CSPG4: variants seen among roughly 807,000 people sequenced by gnomAD.
CSPG4 encodes chondroitin sulfate proteoglycan 4 (melanoma-associated).
In CSPG4, 74 loss-of-function variants were observed where a neutral mutation model predicts 139.3. The observed-to-expected ratio is 0.53, with a 90% CI of 0.44 to 0.64. The LOEUF (loss-of-function observed/expected upper bound fraction) is 0.64. Ranked by LOEUF, CSPG4 falls within the 30% of genes least tolerant of loss-of-function variation. The probability of loss-of-function intolerance (pLI) is 0.00; values close to 1 mark genes in which losing one functional copy is unlikely to be tolerated. For synonymous variants in CSPG4, 1,234 were observed against 1,394.2 expected (o/e 0.89, Z 2.56); for missense variants, 2,565 against 3,148.3 (o/e 0.81, Z 4.43).
chr15:75,706,548 A>T (rs1223945752), intron 1 of CSPG4, among the ~76,000 whole-genome samples: 2 of 152,196 alleles, frequency 1.3e-5, no homozygotes, highest in African/African-American at 4.8e-5. Flanking sequence ...AAAGGCCTGT[A>T]ACCCCACAGA....
At chr15:75,691,821 C>T (rs1596010263) in intron 2 of CSPG4, among the ~76,000 whole-genome samples, 1 of 152,082 alleles carries the variant, frequency 6.6e-6, no homozygotes, top group East Asian at 1.9e-4. Flanking sequence ...ATTTTGGAGT[C>T]CTGGTATGGA....
chr15:75,712,567 C>T (rs1316111263), intron 1 of CSPG4, 101 bp downstream of exon 1: 16 of 1,191,072 alleles, frequency 1.3e-5, no homozygotes, highest in African/African-American at 3.1e-5. Flanking sequence ...GCTTGACTCC[C>T]GATCTGGGGG....
chr15:75,692,462 A>G (rs1383413360), intron 2 of CSPG4, among the ~76,000 whole-genome samples: 2 of 152,172 alleles, frequency 1.3e-5, no homozygotes, highest in Admixed American at 6.5e-5. Flanking sequence ...TAAACTCTTC[A>G]TGGTTTAGGG....
chr15:75,696,726 C>T lies in CSPG4; in HGVS notation c.89-3493G>A, dbSNP rs1201322510. Among the ~76,000 whole-genome samples the T allele has an allele frequency of 6.6e-6, 1 of 152,160 alleles. No individual in the cohort carries two copies. The highest frequency in any genetic ancestry group is 2.4e-5 in the African/African-American group (1 of 41,434). ...CCTCAGGCTTCCCACCCTTCCTCCC[C>T]ATAAACAGGGCACTGCTGTCTGGGC... is the stretch of plus-strand genomic sequence containing the variant. On this transcript the variant is annotated intron_variant, in intron 1 of 9. Coordinates refer to ENST00000308508, the MANE Select transcript of CSPG4 (RefSeq NM_001897.5). This position sits in a 1 kb window ranked among gnomAD's most constrained non-coding sequence, Gnocchi z 4.2.
chr15:75,676,335 G>A lies in CSPG4; in HGVS notation c.6184C>T (p.Arg2062Cys), dbSNP rs377676811. The change falls in exon 10 of 10, where the codon CGC (arginine) becomes TGC (cysteine). Residue 2062 changes from arginine (R) to cysteine (C), a missense_variant. Physicochemically the swap from Arg to Cys is radical, Grantham distance 180 (BLOSUM62 -3). Coordinates refer to ENST00000308508, the MANE Select transcript of CSPG4 (RefSeq NM_001897.5). ...GGPWPQGATLRLDPTVLDAGE... is the reference protein window; with the variant it reads ...GGPWPQGATLCLDPTVLDAGE... ...GCATCTAGGACGGTGGGGTCCAGGC[G>A]CAGGGTGGCACCCTGGGGCCATGGC... is the stretch of plus-strand genomic sequence containing the variant. 3.9e-5 allele frequency: 63 copies of A among 1,612,018 alleles called. No homozygotes were observed. Among genetic ancestry groups the A allele is most frequent in the African/African-American group, 5.3e-5 (4 of 74,938 alleles).
chr15:75,674,496 C>A lies in CSPG4; in HGVS notation c.*1054G>T, dbSNP rs537326846. 2.6e-6 allele frequency: 1 copy of A among 378,686 alleles called. No individual in the cohort carries two copies. Among genetic ancestry groups the A allele is most frequent in the Non-Finnish European group, 4.7e-6 (1 of 213,496 alleles). 23.5% of individuals were successfully genotyped at this position (378,686 alleles called of 1,614,324 possible). A position where few individuals can be genotyped will look rare whatever the true frequency, so the allele number is the denominator to read the frequency against. On this transcript the variant is annotated 3_prime_UTR_variant, in exon 10 of 10. Transcript: ENST00000308508. ...GCCCCAGGAGGTGGAAGTTCAGAGG[C>A]CTGCCTGGCCCTGTCCATCCCACTG...
chr15:75,689,718 C>A lies in CSPG4; in HGVS notation c.1347G>T (p.Trp449Cys), dbSNP rs760533100. Residue 449 changes from tryptophan (W) to cysteine (C), a missense_variant, in exon 3 of 10, where the codon TGG becomes TGT. Trp to Cys is a radical substitution (Grantham distance 215, BLOSUM62 -2). This residue lies in a region of CSPG4 where 2,316 missense variants were observed against 2,818.2 expected (regional missense o/e 0.82). Transcript: ENST00000308508. ...VAEGGTAWLE[W>C]RHVQPTLDLM... ...GGTCCAGCGTGGGCTGCACATGCCT[C>A]CACTCAAGCCAGGCTGTGCCCCCCT... is the stretch of plus-strand genomic sequence containing the variant. The A allele has an allele frequency of 8.7e-6, 14 of 1,612,756 alleles. No homozygotes were observed. In the Admixed American group the frequency reaches 2.3e-4, roughly 27 times the overall value.
chr15:75,682,407 G>GGC lies in CSPG4; in HGVS notation c.4835_4836insGC (p.Thr1613ProfsTer17). 6.3e-7 allele frequency: 1 copy of GGC among 1,595,414 alleles called. No individual in the cohort carries two copies. The highest frequency in any genetic ancestry group is 8.5e-7 in the Non-Finnish European group (1 of 1,178,884). On this transcript the variant is annotated frameshift_variant, in exon 8 of 10. Coordinates refer to ENST00000308508, the MANE Select transcript of CSPG4 (RefSeq NM_001897.5). LOFTEE classifies it high-confidence loss of function. Reference sequence around the variant, plus strand: ...GGTAGAGCAGGAGCTGGGGGTCAGTGCCTGCGCTGGAGCTGGCCCTGAGGG... The same window carrying GGC: ...GGTAGAGCAGGAGCTGGGGGTCAGTGGCCCTGCGCTGGAGCTGGCCCTGAGGG...
chr15:75,677,617 C>A (rs1323466640), intron 9 of CSPG4, 86 bp downstream of exon 9: 17 of 1,434,608 alleles, frequency 1.2e-5, no homozygotes, highest in Admixed American at 2.3e-5. Flanking sequence ...GAGACAGGAG[C>A]TGCTGACCCT....
At chr15:75,683,530 G>A (rs1471294498) in intron 5 of CSPG4, among the ~76,000 whole-genome samples, 6 of 152,328 alleles carry the variant, frequency 3.9e-5, no homozygotes, top group Non-Finnish European at 7.3e-5. Flanking sequence ...GGTGCGTGGC[G>A]CAGAGAGTGG....
At chr15:75,695,281 G>A (rs1894211123) in intron 1 of CSPG4, among the ~76,000 whole-genome samples, 1 of 152,182 alleles carries the variant, frequency 6.6e-6, no homozygotes, top group African/African-American at 2.4e-5. Context: ...GAACTAGATG[G>A]TTGGCCCTAA....
intron 1 of CSPG4, among the ~76,000 whole-genome samples, chr15:75,703,602 T>A (rs1894333073): frequency 6.6e-6 from 1 of 152,096 alleles, no homozygotes; most frequent in Admixed American, 6.5e-5. Flanking sequence ...GAGCCCAGAT[T>A]GACCTTGTCA....
intron 1 of CSPG4, among the ~76,000 whole-genome samples, chr15:75,699,146 A>G (rs1346952873): frequency 6.6e-6 from 1 of 152,184 alleles, no homozygotes; most frequent in African/African-American, 2.4e-5. Flanking sequence ...TCCAAATCCC[A>G]TGGAGCTTAC....
rs1350879704 is a variant in CSPG4 at position 75,689,423 on chromosome 15, G to C, written c.1642C>G (p.Pro548Ala). 3 of 1,612,666 alleles carry C rather than the reference G, an allele frequency of 1.9e-6. No homozygotes were observed. Among genetic ancestry groups the C allele is most frequent in the Non-Finnish European group, 2.5e-6 (3 of 1,179,862 alleles). The change falls in exon 3 of 10, where the codon CCT becomes GCT. Residue 548 changes from proline (P) to alanine (A), a missense_variant. This residue lies in a region of CSPG4 where 2,316 missense variants were observed against 2,818.2 expected (regional missense o/e 0.82). Coordinates refer to ENST00000308508, the MANE Select transcript of CSPG4 (RefSeq NM_001897.5). ...ATGATGTGGGGTGGGTCATTGACAG[G>C]GTTGACCTGGATGGGCAGGAGGTAT... ...QTYLLPIQVNPVNDPPHIIFP... is the reference protein window; with the variant it reads ...QTYLLPIQVNAVNDPPHIIFP...
chr15:75,676,512 A>C lies in CSPG4; in HGVS notation c.6007T>G (p.Phe2003Val), dbSNP rs1490677087. The C allele has an allele frequency of 3.1e-6, 5 of 1,613,908 alleles. No homozygotes were observed. The highest frequency in any genetic ancestry group is 4.2e-6 in the Non-Finnish European group (5 of 1,180,020). The change falls in exon 10 of 10, where the codon TTC becomes GTC. Residue 2003 changes from phenylalanine (F) to valine (V), a missense_variant. Physicochemically the swap from Phe to Val is conservative, Grantham distance 50. Around this residue, in one of 5 missense-constraint regions of CSPG4, gnomAD observed 2,316 missense variants for 2,818.2 expected, o/e 0.82. Transcript: ENST00000308508. The stretch of plus-strand genomic sequence containing the variant: ...ACCACCTCGCCCTGGTCTATCTGGA[A>C]TTGGCTGAAGGCCGAGGTGGGCCGC... Reference protein sequence around the residue: ...GGRPTSAFSQFQIDQGEVVFA... With the variant: ...GGRPTSAFSQVQIDQGEVVFA...
At chr15:75,703,451 G>A (rs1894330363) in intron 1 of CSPG4, among the ~76,000 whole-genome samples, 2 of 151,630 alleles carry the variant, frequency 1.3e-5, no homozygotes, top group Admixed American at 1.3e-4. Context: ...GGGTGGAGCC[G>A]GTGAGGAGGG....
At chr15:75,692,292 C>A (rs1894174995) in intron 2 of CSPG4, among the ~76,000 whole-genome samples, 1 of 152,102 alleles carries the variant, frequency 6.6e-6, no homozygotes, top group South Asian at 2.1e-4. Context: ...TTATTTTTTT[C>A]TTTTAAAAAT....
rs1127650 is a variant in CSPG4 at position 75,674,712 on chromosome 15, C to T, written c.*838G>A. On this transcript the variant is annotated 3_prime_UTR_variant, in exon 10 of 10. Coordinates refer to ENST00000308508, the MANE Select transcript of CSPG4 (RefSeq NM_001897.5). ...CTAGTCCTCAGGGGGGCACTGGCAC[C>T]GCAGTGGCCTCGGCCTGAGACCCTC... 0.52 allele frequency: 208,977 copies of T among 398,472 alleles called. 56,023 individuals carry two copies. Among genetic ancestry groups the T allele is most frequent in the Non-Finnish European group, 0.57 (127,832 of 225,954 alleles). The allele number at this position is 398,472 out of a possible 1,614,324, so 24.7% of individuals were successfully genotyped here. A position where few individuals can be genotyped will look rare whatever the true frequency, so the allele number is the denominator to read the frequency against.
Position 75,676,686 on chromosome 15 carries a change from G to A in CSPG4, c.5833C>T (p.Gln1945Ter). Reference protein sequence around the residue: ...VDILPSAIEVQLRAPLEVPQA... With the variant: ...VDILPSAIEV Reference sequence around the variant, plus strand: ...GGCACCTCCAGGGGTGCCCGCAGCTGCACCTCGATGGCGGATGGTAGGATG... The same window carrying A: ...GGCACCTCCAGGGGTGCCCGCAGCTACACCTCGATGGCGGATGGTAGGATG... Residue 1945 changes from glutamine to a stop codon, truncating the protein, a stop_gained, in exon 10 of 10, where the codon CAG becomes TAG. Transcript: ENST00000308508. LOFTEE classifies it high-confidence loss of function. The A allele has an allele frequency of 6.3e-7, 1 of 1,591,258 alleles. No individual in the cohort carries two copies. Among genetic ancestry groups the A allele is most frequent in the Non-Finnish European group, 8.6e-7 (1 of 1,167,112 alleles).
Sources: gnomAD v4.1 joint callset for allele counts (sites outside exome capture counted in the v4.1 genomes callset) on GRCh38, gnomAD v4.1.1 for gene constraint, gnomAD v4.1.1 regional missense constraint, Gnocchi (gnomAD v3.1) non-coding constraint, MANE v1.5 for transcripts, NCBI Gene and HGNC (gene_info 2026-07-23, HGNC 2026-07-21) for gene names.